The following NLGN1 variants were observed in gnomAD, a reference collection of about 807,000 sequenced individuals.
NLGN1 encodes the protein neuroligin-1.
A neutral mutation model predicts 65.5 loss-of-function variants in NLGN1; 12 were observed. The observed-to-expected ratio is 0.18, with a 90% CI of 0.12 to 0.30. NLGN1 has a LOEUF of 0.30. Among genes scored for constraint, NLGN1 ranks in the 10% least tolerant of loss-of-function variants. The pLI, the probability that NLGN1 is intolerant of heterozygous loss-of-function variation, is 1.00. For synonymous variants in NLGN1, 350 were observed against 359.5 expected, an observed-to-expected ratio of 0.97 and a Z score of 0.30; for missense variants, 750 against 1,007.1, an observed-to-expected ratio of 0.74 and a Z score of 3.46.
chr3:174,000,796 G>A (rs1036489896), intron 4 of NLGN1, among the ~76,000 whole-genome samples: 2 of 152,162 alleles, frequency 1.3e-5, no homozygotes, highest in Non-Finnish European at 2.9e-5. Context: ...AGAGAGAAAA[G>A]GTAAGACTTG....
intron 2 of NLGN1, among the ~76,000 whole-genome samples, chr3:173,478,975 T>C (rs1308611461): frequency 1.3e-5 from 2 of 152,134 alleles, no homozygotes; most frequent in Admixed American, 1.3e-4. Context: ...ATGAGGCATT[T>C]CAATGTAATA....
chr3:173,717,749 A>G (rs1247776121), intron 3 of NLGN1, among the ~76,000 whole-genome samples: 1 of 152,164 alleles, frequency 6.6e-6, no homozygotes, highest in East Asian at 1.9e-4. Flanking sequence ...AGGAGCCACA[A>G]AGTGGTTTAA....
intron 4 of NLGN1, among the ~76,000 whole-genome samples, chr3:174,155,850 C>G (rs1182701540): frequency 1.3e-5 from 2 of 151,774 alleles, no homozygotes; most frequent in African/African-American, 2.4e-5. Flanking sequence ...GGGAGCAAAG[C>G]CAATCTTAGT....
chr3:173,609,676 T>C (rs940845594), intron 3 of NLGN1, among the ~76,000 whole-genome samples: 2 of 152,092 alleles, frequency 1.3e-5, no homozygotes, highest in African/African-American at 4.8e-5. Flanking sequence ...TGCTGAGTAT[T>C]GCTCTAGGTA....
intron 3 of NLGN1, among the ~76,000 whole-genome samples, chr3:173,668,342 C>T (rs1761997706): frequency 6.6e-6 from 1 of 152,052 alleles, no homozygotes; most frequent in Non-Finnish European, 1.5e-5. Flanking sequence ...ATACCAGGCT[C>T]AACTAAAAGA....
intron 2 of NLGN1, among the ~76,000 whole-genome samples, chr3:173,591,235 T>A (rs985862933): frequency 6.6e-6 from 1 of 152,220 alleles, no homozygotes; most frequent in African/African-American, 2.4e-5. Context: ...GATATACTAT[T>A]TGTGTTACAC....
At chr3:173,742,983 T>C (rs149218728) in intron 3 of NLGN1, among the ~76,000 whole-genome samples, 69 of 152,284 alleles carry the variant, frequency 4.5e-4, no homozygotes, top group Middle Eastern at 3.4e-3. Context: ...TAATCTTCAA[T>C]ATAGAGATTG....
intron 4 of NLGN1, among the ~76,000 whole-genome samples, chr3:173,853,490 T>C (rs985511766): frequency 6.6e-6 from 1 of 152,122 alleles, no homozygotes; most frequent in Middle Eastern, 3.2e-3. Context: ...TTAAACTCAA[T>C]ATAAAAATAA....
chr3:173,754,094 G>C (rs1380782283), intron 3 of NLGN1, among the ~76,000 whole-genome samples: 2 of 149,238 alleles, frequency 1.3e-5, no homozygotes, highest in African/African-American at 4.9e-5. Flanking sequence ...CCCAGAGCGG[G>C]GTAGTGCAGT....
At chr3:174,175,034 T>C (rs1367159872) in intron 4 of NLGN1, among the ~76,000 whole-genome samples, 1 of 152,046 alleles carries the variant, frequency 6.6e-6, no homozygotes, top group Non-Finnish European at 1.5e-5. Context: ...TTCAATTTTT[T>C]TGAATGTTTT....
chr3:173,993,657 TAGATAGA>T (rs971596870), intron 4 of NLGN1, among the ~76,000 whole-genome samples: 3 of 144,604 alleles, frequency 2.1e-5, no homozygotes, highest in African/African-American at 8.1e-5. Flanking sequence ...AGATAGATGA[TAGATAGA>T]TAGATAGATA....
At chr3:173,895,590 C>T (rs1434664903) in intron 4 of NLGN1, among the ~76,000 whole-genome samples, 1 of 152,122 alleles carries the variant, frequency 6.6e-6, no homozygotes, top group Non-Finnish European at 1.5e-5. Context: ...TCCAGAAAGA[C>T]CAGAGACCAG....
intron 4 of NLGN1, among the ~76,000 whole-genome samples, chr3:174,233,813 G>A (rs2152820811): frequency 6.6e-6 from 1 of 152,080 alleles, no homozygotes; most frequent in African/African-American, 2.4e-5. Flanking sequence ...TAATTTAATG[G>A]TATTATTAAG....
intron 2 of NLGN1, among the ~76,000 whole-genome samples, chr3:173,559,975 G>A (rs970233840): frequency 1.6e-5 from 2 of 127,510 alleles, no homozygotes; most frequent in African/African-American, 6.1e-5. Flanking sequence ...GACGAGTCTC[G>A]CTCTGTCGCC....
At chr3:174,217,994 A>G (rs1288077480) in intron 4 of NLGN1, among the ~76,000 whole-genome samples, 2 of 152,100 alleles carry the variant, frequency 1.3e-5, no homozygotes, top group Admixed American at 1.3e-4. Context: ...AATTTAAAGT[A>G]AATTAAGTCA....
intron 2 of NLGN1, among the ~76,000 whole-genome samples, chr3:173,488,229 C>T (rs944281611): frequency 6.6e-6 from 1 of 150,796 alleles, no homozygotes; most frequent in African/African-American, 2.4e-5. Context: ...TGATCACTAC[C>T]CACCTCATCA....
chr3:173,800,585 G>T (rs1468347053), intron 3 of NLGN1, among the ~76,000 whole-genome samples: 1 of 151,174 alleles, frequency 6.6e-6, no homozygotes. Flanking sequence ...TTAAAAAGAG[G>T]GGCATTTTTT....
At chr3:173,637,733 C>A (rs1351294432) in intron 3 of NLGN1, among the ~76,000 whole-genome samples, 1 of 152,090 alleles carries the variant, frequency 6.6e-6, no homozygotes, top group Non-Finnish European at 1.5e-5. Flanking sequence ...GGTGAAAAGA[C>A]CAATGGGAAG....
At chr3:174,194,460 GAAAAAGAAA>G (rs1449933759) in intron 4 of NLGN1, among the ~76,000 whole-genome samples, 8 of 149,044 alleles carry the variant, frequency 5.4e-5, no homozygotes, top group Non-Finnish European at 8.9e-5. Flanking sequence ...AAAAAAAAAA[GAAAAAGAAA>G]AAAAAGAAAC....
Sources: gnomAD v4.1 joint callset for allele counts (sites outside exome capture counted in the v4.1 genomes callset) on GRCh38, gnomAD v4.1.1 for gene constraint, MANE v1.5 for transcripts, NCBI Gene and HGNC (gene_info 2026-07-23, HGNC 2026-07-21) for gene names.